NME8: variants seen among roughly 807,000 people sequenced by gnomAD.
NME8 encodes NME/NM23 family member 8, also known as protein NME8.
In NME8, 72 loss-of-function variants were observed where a neutral mutation model predicts 82.3. That is an observed-to-expected ratio of 0.87 (90% CI 0.72 to 1.06). NME8 has a LOEUF of 1.06. Among genes scored for constraint, NME8 ranks in the 50% least tolerant of loss-of-function variants. The pLI, the probability that NME8 is intolerant of heterozygous loss-of-function variation, is 0.00. For missense variants in NME8, 712 were observed against 685.4 expected (o/e 1.04, Z -0.43); for synonymous variants, 267 against 228.5 (o/e 1.17, Z -1.52).
chr7:37,874,185 A>C (rs574238075), intron 11 of NME8, among the ~76,000 whole-genome samples: 29 of 152,334 alleles, frequency 1.9e-4, no homozygotes, highest in African/African-American at 6.0e-4. Flanking sequence ...AACAGTTCTT[A>C]ACAGTGAACC....
intron 12 of NME8, among the ~76,000 whole-genome samples, chr7:37,880,288 T>C (rs1784923033): frequency 1.3e-5 from 2 of 152,234 alleles, no homozygotes; most frequent in African/African-American, 4.8e-5. Context: ...CAAGGTCACC[T>C]AGATTTTCTT....
At position 37,894,470 on chromosome 7, in the gene NME8, G is replaced by T. The variant is rs759095592; in HGVS notation, c.1404G>T (p.Gln468His). The change falls in exon 16 of 18, where the codon CAG becomes CAT. Residue 468 changes from glutamine to histidine, a missense_variant. Gln to His is a conservative substitution (Grantham distance 24, BLOSUM62 0). Coordinates refer to ENST00000199447, the MANE Select transcript of NME8 (RefSeq NM_016616.5). ...KPHATSEQRE[Q>H]ILKIVKEAGF... The stretch of plus-strand genomic sequence containing the variant: ...TCAAATATTTGTTTTTCTTAGAGCA[G>T]ATCCTGAAGATAGTTAAGGAGGCTG... 3 of 1,612,688 alleles carry T rather than the reference G, an allele frequency of 1.9e-6. No homozygotes were observed. The highest frequency in any genetic ancestry group is 2.5e-6 in the Non-Finnish European group (3 of 1,179,006).
intron 5 of NME8, among the ~76,000 whole-genome samples, chr7:37,855,230 TGGCAA>T (rs1784494113): frequency 6.6e-6 from 1 of 152,174 alleles, no homozygotes; most frequent in Admixed American, 6.6e-5. Flanking sequence ...AGTCTCTCAC[TGGCAA>T]GGTACTTCCT....
Position 37,896,990 on chromosome 7 carries a change from G to A in NME8, c.1665G>A (p.Gln555=), listed in dbSNP as rs1470310487. The change falls in exon 17 of 18, where the codon CAG becomes CAA. Residue 555 remains glutamine (Q), a synonymous_variant. Coordinates refer to ENST00000199447, the MANE Select transcript of NME8 (RefSeq NM_016616.5). The part of the protein sequence containing the change: ...KLLSPDSIRA[Q]FGISKLKNIV... ...TTTCCCCTGACTCCATCCGAGCCCA[G>A]TTTGGAATAAGTAAATTGAAAAACA... is the stretch of plus-strand genomic sequence containing the variant. 1 of 1,613,892 alleles carries A rather than the reference G, an allele frequency of 6.2e-7. No homozygotes were observed. Among genetic ancestry groups the A allele is most frequent in the South Asian group, 1.1e-5 (1 of 91,080 alleles).
At chr7:37,898,868 A>G (rs1785271080) in intron 17 of NME8, among the ~76,000 whole-genome samples, 1 of 152,194 alleles carries the variant, frequency 6.6e-6, no homozygotes, top group South Asian at 2.1e-4. Flanking sequence ...AATTTAATAC[A>G]CACAACCCCT....
chr7:37,851,743 C>T (rs1052701786), intron 5 of NME8, among the ~76,000 whole-genome samples: 7 of 151,908 alleles, frequency 4.6e-5, no homozygotes, highest in African/African-American at 1.7e-4. Context: ...TATAGAAAAG[C>T]TCCCAAACCA....
intron 17 of NME8, among the ~76,000 whole-genome samples, chr7:37,899,105 C>T (rs1391061396): frequency 1.3e-5 from 2 of 152,044 alleles, no homozygotes; most frequent in Non-Finnish European, 2.9e-5. Flanking sequence ...ATTAGTTCAA[C>T]CATTGTGGAG....
chr7:37,854,831 A>G (rs1784488751), intron 5 of NME8, among the ~76,000 whole-genome samples: 1 of 152,072 alleles, frequency 6.6e-6, no homozygotes, highest in Admixed American at 6.6e-5. Context: ...CACATACACA[A>G]TCTCTTTTAT....
chr7:37,857,200 T>C (rs1250552512), intron 5 of NME8, 74 bp from the exon 6 acceptor site: 1 of 1,144,620 alleles, frequency 8.7e-7, no homozygotes, highest in African/African-American at 1.5e-5. Flanking sequence ...ATCTCTGCAT[T>C]GTTTCAACAT....
chr7:37,863,800 C>A (rs1295648367), intron 8 of NME8, among the ~76,000 whole-genome samples: 3 of 152,182 alleles, frequency 2.0e-5, no homozygotes, highest in Non-Finnish European at 4.4e-5. Context: ...ATGACCCATA[C>A]TCTTGGTTTA....
At position 37,864,362 on chromosome 7, in the gene NME8, A is replaced by C. The variant is rs200290963; in HGVS notation, c.469A>C (p.Ile157Leu). 1 of 1,592,640 alleles carries C rather than the reference A, an allele frequency of 6.3e-7. No homozygotes were observed. The highest frequency in any genetic ancestry group is 8.6e-7 in the Non-Finnish European group (1 of 1,163,604). ...TTTTTTTCCAGAGGAATTATACAGT[A>C]TTGCTATTATCAAACCGGATGCTGT... is the stretch of plus-strand genomic sequence containing the variant. ...PCESVQELYSIAIIKPDAVIS... is the reference protein window; with the variant it reads ...PCESVQELYSLAIIKPDAVIS... Residue 157 changes from isoleucine to leucine, a missense_variant, in exon 9 of 18, where the codon ATT (isoleucine) becomes CTT (leucine). Coordinates refer to ENST00000199447, the MANE Select transcript of NME8 (RefSeq NM_016616.5).
At chr7:37,863,779 T>G (rs1353142379) in intron 8 of NME8, among the ~76,000 whole-genome samples, 1 of 152,166 alleles carries the variant, frequency 6.6e-6, no homozygotes, top group Non-Finnish European at 1.5e-5. Context: ...GTGATGATAA[T>G]TTCTTCCTTG....
At chr7:37,885,581 G>A (rs1011102946) in intron 14 of NME8, among the ~76,000 whole-genome samples, 1 of 152,188 alleles carries the variant, frequency 6.6e-6, no homozygotes, top group Non-Finnish European at 1.5e-5. Flanking sequence ...GGTTATGGTG[G>A]CAGCTGTAGC....
intron 5 of NME8, among the ~76,000 whole-genome samples, chr7:37,854,801 T>C (rs933759539): frequency 2.5e-4 from 23 of 93,754 alleles, no homozygotes; most frequent in Non-Finnish European, 4.9e-4. Context: ...CTTGAAACCT[T>C]TCACCCCCCA....
intron 11 of NME8, among the ~76,000 whole-genome samples, chr7:37,868,833 A>AT (rs1328861686): frequency 1.3e-5 from 2 of 152,146 alleles, no homozygotes; most frequent in African/African-American, 4.8e-5. Context: ...ACGGTTGTAT[A>AT]TTTTTTGTTG....
At chr7:37,876,669 A>G (rs1489265437) in intron 11 of NME8, among the ~76,000 whole-genome samples, 163 bp from the exon 12 acceptor site, 1 of 147,196 alleles carries the variant, frequency 6.8e-6, no homozygotes, top group Non-Finnish European at 1.5e-5. Flanking sequence ...ATTAAGTATC[A>G]TATTCTTGGA....
intron 2 of NME8, among the ~76,000 whole-genome samples, chr7:37,849,367 C>G (rs546607288): frequency 1.3e-5 from 2 of 152,204 alleles, no homozygotes; most frequent in East Asian, 3.9e-4. Context: ...TTCAGGAAAA[C>G]AAAACCTTTA....
chr7:37,881,685 C>A (rs566668611), intron 12 of NME8, among the ~76,000 whole-genome samples: 4 of 152,148 alleles, frequency 2.6e-5, no homozygotes, highest in African/African-American at 4.8e-5. Context: ...AGTGTTCCCT[C>A]TGCTTCTATT....
chr7:37,888,869 T>C (rs1443943817), intron 15 of NME8, among the ~76,000 whole-genome samples: 3 of 152,210 alleles, frequency 2.0e-5, no homozygotes, highest in Middle Eastern at 6.8e-3. Flanking sequence ...CTTGGTTTTT[T>C]TTTTCGTATT....
Sources: allele counts gnomAD v4.1 joint callset (sites outside exome capture counted in the v4.1 genomes callset), GRCh38; gene constraint gnomAD v4.1.1; transcripts MANE v1.5; gene names NCBI Gene and HGNC (gene_info 2026-07-23, HGNC 2026-07-21).